Variants in ADAMTS12 observed in about 807,000 individuals in gnomAD.
The protein encoded by ADAMTS12 is ADAM metallopeptidase with thrombospondin type 1 motif 12.
Under a neutral mutation model 167.8 loss-of-function variants are expected in ADAMTS12, and 118 were observed. That is an observed-to-expected ratio of 0.70 (90% CI 0.61 to 0.82). The LOEUF (loss-of-function observed/expected upper bound fraction) is 0.82. Ranked by LOEUF, ADAMTS12 falls within the 40% of genes least tolerant of loss-of-function variation. The probability of loss-of-function intolerance (pLI) is 0.00; values close to 1 mark genes in which losing one functional copy is unlikely to be tolerated. For synonymous variants in ADAMTS12, 704 were observed against 716.9 expected, an observed-to-expected ratio of 0.98 and a Z score of 0.29; for missense variants, 1,916 against 1,998.8, an observed-to-expected ratio of 0.96 and a Z score of 0.79.
At chr5:33,767,407 T>C (rs1745576397) in intron 2 of ADAMTS12, among the ~76,000 whole-genome samples, 1 of 152,210 alleles carries the variant, frequency 6.6e-6, no homozygotes, top group Admixed American at 6.5e-5. Context: ...TATAATTAGA[T>C]TACAATTAAT....
intron 22 of ADAMTS12, among the ~76,000 whole-genome samples, chr5:33,535,961 T>C (rs1013148367): frequency 1.6e-4 from 24 of 152,116 alleles, no homozygotes; most frequent in African/African-American, 5.1e-4. Context: ...TCTAATGATA[T>C]GGTTCCACTG....
chr5:33,695,910 A>G (rs1191555199), intron 3 of ADAMTS12, among the ~76,000 whole-genome samples: 4 of 152,182 alleles, frequency 2.6e-5, no homozygotes, highest in Non-Finnish European at 5.9e-5. Flanking sequence ...CTTTCTAAAA[A>G]AGTAACTTCC....
intron 3 of ADAMTS12, among the ~76,000 whole-genome samples, chr5:33,722,515 A>C (rs1264241621): frequency 6.6e-6 from 1 of 152,210 alleles, no homozygotes; most frequent in African/African-American, 2.4e-5. Context: ...AGTTGGTTAG[A>C]GGTGAGGCTG....
chr5:33,770,176 T>A (rs1428384071), intron 2 of ADAMTS12, among the ~76,000 whole-genome samples: 2 of 152,128 alleles, frequency 1.3e-5, no homozygotes, highest in Admixed American at 1.3e-4. Flanking sequence ...CCCAGAACAG[T>A]CTGATCTCAA....
chr5:33,766,698 G>C (rs1262097836), intron 2 of ADAMTS12, among the ~76,000 whole-genome samples: 1 of 151,978 alleles, frequency 6.6e-6, no homozygotes, highest in Non-Finnish European at 1.5e-5. Context: ...AAGGTACAAA[G>C]AACTCATTCT....
intron 3 of ADAMTS12, among the ~76,000 whole-genome samples, chr5:33,730,423 G>C (rs924694404): frequency 6.6e-6 from 1 of 151,838 alleles, no homozygotes; most frequent in Non-Finnish European, 1.5e-5. Context: ...CACAAAAGCT[G>C]TCCTTTTTGT....
rs751871094 is a variant in ADAMTS12 at position 33,615,984 on chromosome 5, C to G, written c.2232G>C (p.Arg744Ser). 5.6e-6 allele frequency: 9 copies of G among 1,614,054 alleles called. No homozygotes were observed. The highest frequency in any genetic ancestry group is 4.0e-5 in the African/African-American group (3 of 74,922). The change falls in exon 15 of 24, where the codon AGG (arginine) becomes AGC (serine). Residue 744 changes from arginine to serine, a missense_variant. By Grantham distance (110) the Arg-to-Ser change is moderately radical (BLOSUM62 -1). Transcript: ENST00000504830. The stretch of plus-strand genomic sequence containing the variant: ...GGTAATATTTTTCAGGATCTTCACT[C>G]CTGATGGCCAGGAAGTTTCCAGCTC... The part of the protein sequence containing the change: ...IEGAGNFLAI[R>S]SEDPEKYYLN...
At chr5:33,768,220 C>T (rs1000795222) in intron 2 of ADAMTS12, among the ~76,000 whole-genome samples, 3 of 152,172 alleles carry the variant, frequency 2.0e-5, no homozygotes, top group Non-Finnish European at 4.4e-5. Flanking sequence ...CCGGTTCCAA[C>T]TGTACTGCCT....
chr5:33,635,968 T>C (rs1740173268), intron 12 of ADAMTS12, among the ~76,000 whole-genome samples: 1 of 152,228 alleles, frequency 6.6e-6, no homozygotes, highest in African/African-American at 2.4e-5. Flanking sequence ...AAACTTCATC[T>C]GAGTTAGAGA....
At chr5:33,884,150 T>C (rs540894968) in intron 1 of ADAMTS12, among the ~76,000 whole-genome samples, 23 of 152,314 alleles carry the variant, frequency 1.5e-4, no homozygotes, top group Non-Finnish European at 2.6e-4. Flanking sequence ...AAGCTCTGTG[T>C]CCACTGGGAA....
At chr5:33,787,902 ATG>A (rs1243973851) in intron 2 of ADAMTS12, among the ~76,000 whole-genome samples, 1 of 152,210 alleles carries the variant, frequency 6.6e-6, no homozygotes, top group African/African-American at 2.4e-5. Context: ...AGCATCTACC[ATG>A]TGTGAGGGAA....
rs951148279 is a variant in ADAMTS12 at position 33,643,832 on chromosome 5, G to A, written c.1480-362C>T. Among the ~76,000 whole-genome samples the A allele has an allele frequency of 3.3e-5, 5 of 152,230 alleles. No individual in the cohort carries two copies. In the South Asian group the frequency reaches 8.3e-4, roughly 25 times the overall value. ...AGGTAAATCTAAACTGTGGCTGGAA[G>A]GCAACCTGATTACTAACAGTTGGGG... is the stretch of plus-strand genomic sequence containing the variant. On this transcript the variant is annotated intron_variant, in intron 9 of 23. Coordinates refer to ENST00000504830, the MANE Select transcript of ADAMTS12 (RefSeq NM_030955.4).
intron 13 of ADAMTS12, among the ~76,000 whole-genome samples, chr5:33,626,523 T>A (rs1185024947): frequency 2.0e-5 from 3 of 148,600 alleles, no homozygotes; most frequent in African/African-American, 7.5e-5. Flanking sequence ...AATGTGGTAA[T>A]GGTGGTGGTG....
At chr5:33,689,599 T>C (rs1193228654) in intron 3 of ADAMTS12, among the ~76,000 whole-genome samples, 1 of 151,970 alleles carries the variant, frequency 6.6e-6, no homozygotes, top group Non-Finnish European at 1.5e-5. Flanking sequence ...CTCAGACAAG[T>C]GCTACTCAGG....
chr5:33,645,249 T>C (rs6869719), intron 9 of ADAMTS12, among the ~76,000 whole-genome samples: 85,772 of 151,584 alleles, frequency 0.57, 24,918 homozygotes, highest in East Asian at 0.67. Context: ...GAGCATGGCC[T>C]GTAGTAAAGA....
chr5:33,776,421 T>C (rs1745911941), intron 2 of ADAMTS12, among the ~76,000 whole-genome samples: 1 of 152,136 alleles, frequency 6.6e-6, no homozygotes, highest in Admixed American at 6.6e-5. Flanking sequence ...GAAGGAAAAT[T>C]AGAATATTCA....
chr5:33,839,794 T>A (rs755766885), intron 2 of ADAMTS12, among the ~76,000 whole-genome samples: 6 of 152,206 alleles, frequency 3.9e-5, no homozygotes, highest in Non-Finnish European at 7.4e-5. Context: ...ACATTAGCCC[T>A]GCTTCTCCGC....
At chr5:33,645,014 G>A (rs1183032986) in intron 9 of ADAMTS12, among the ~76,000 whole-genome samples, 1 of 152,092 alleles carries the variant, frequency 6.6e-6, no homozygotes, top group African/African-American at 2.4e-5. Flanking sequence ...ACAGGCGTAA[G>A]CCACCGTACC....
intron 2 of ADAMTS12, among the ~76,000 whole-genome samples, chr5:33,859,500 C>G (rs1448526158): frequency 6.6e-6 from 1 of 152,238 alleles, no homozygotes; most frequent in Non-Finnish European, 1.5e-5. Context: ...AGAAAGGCAG[C>G]AGCTCCAGTC....
Sources: gnomAD v4.1 joint callset for allele counts (sites outside exome capture counted in the v4.1 genomes callset) on GRCh38, gnomAD v4.1.1 for gene constraint, MANE v1.5 for transcripts, NCBI Gene and HGNC (gene_info 2026-07-23, HGNC 2026-07-21) for gene names.